GABBR2: variants seen among roughly 807,000 people sequenced by gnomAD.
GABBR2 encodes gamma-aminobutyric acid type B receptor subunit 2, also known as G-protein coupled receptor 51.
A neutral mutation model predicts 105.6 loss-of-function variants in GABBR2; 23 were observed. The observed-to-expected ratio is 0.22, with a 90% confidence interval of 0.16 to 0.31. The LOEUF (loss-of-function observed/expected upper bound fraction) is 0.31, where lower values mean the gene tolerates loss of function less well. Among genes scored for constraint, GABBR2 ranks in the 10% least tolerant of loss-of-function variants. The pLI, the probability that GABBR2 is intolerant of heterozygous loss-of-function variation, is 1.00. For synonymous variants in GABBR2, 478 were observed against 499.7 expected, an observed-to-expected ratio of 0.96 and a Z score of 0.58; for missense variants, 734 against 1,245.5, an observed-to-expected ratio of 0.59 and a Z score of 6.18.
At chr9:98,686,861 A>C (rs1290965213) in intron 1 of GABBR2, among the ~76,000 whole-genome samples, 1 of 151,926 alleles carries the variant, frequency 6.6e-6, no homozygotes, top group Non-Finnish European at 1.5e-5. Context: ...CCCATCAACC[A>C]AACACAAGGG....
At position 98,695,104 on chromosome 9, in the gene GABBR2, A is replaced by T. The variant is rs13440079; in HGVS notation, c.321+13313T>A. The stretch of plus-strand genomic sequence containing the variant: ...TGTTCCACTTAGGGGCCCAGTTCTG[A>T]TTTTTATCCAAAATTGTTCTGTTTT... On this transcript the variant is annotated intron_variant, in intron 1 of 18. Transcript: ENST00000259455. 9.3e-3 allele frequency among the ~76,000 whole-genome samples: 1,421 copies of T among 152,278 alleles called. 12 individuals carry two copies. The highest frequency in any genetic ancestry group is 0.024 in the South Asian group (117 of 4,826).
At chr9:98,411,661 G>A (rs1008703450) in intron 7 of GABBR2, among the ~76,000 whole-genome samples, 1 of 152,088 alleles carries the variant, frequency 6.6e-6, no homozygotes, top group Non-Finnish European at 1.5e-5. Context: ...TCCTGGGCTC[G>A]AGTGATCCTT....
intron 7 of GABBR2, among the ~76,000 whole-genome samples, chr9:98,447,342 C>G (rs1209149267): frequency 1.3e-5 from 2 of 151,654 alleles, no homozygotes; most frequent in African/African-American, 2.4e-5. Flanking sequence ...GGATTACAGG[C>G]GTGAGCCACC....
chr9:98,384,697 T>C (rs1832040579), intron 11 of GABBR2, among the ~76,000 whole-genome samples: 1 of 152,218 alleles, frequency 6.6e-6, no homozygotes, highest in African/African-American at 2.4e-5. Flanking sequence ...TATAGTAAAT[T>C]AGTTACACTG....
chr9:98,422,514 G>GTGTGTGTC (rs1158207360), intron 7 of GABBR2, among the ~76,000 whole-genome samples: 3 of 151,898 alleles, frequency 2.0e-5, no homozygotes, highest in Admixed American at 6.6e-5. Context: ...GTGTGTGTGT[G>GTGTGTGTC]TGTGTGTCTG....
chr9:98,408,854 C>G (rs1356798846), intron 7 of GABBR2, among the ~76,000 whole-genome samples: 3 of 152,164 alleles, frequency 2.0e-5, no homozygotes, highest in South Asian at 4.1e-4. Flanking sequence ...GTTGTGCGAT[C>G]TTGGCTTACT....
chr9:98,299,785 G>T (rs1830439526), intron 16 of GABBR2, among the ~76,000 whole-genome samples: 1 of 152,164 alleles, frequency 6.6e-6, no homozygotes, highest in Non-Finnish European at 1.5e-5. Flanking sequence ...ACCTCAGGGG[G>T]AGGTTGTGCA....
intron 1 of GABBR2, among the ~76,000 whole-genome samples, chr9:98,663,551 C>T (rs1830295101): frequency 6.6e-6 from 1 of 150,896 alleles, no homozygotes; most frequent in Non-Finnish European, 1.5e-5. Flanking sequence ...TGGTGTTCCT[C>T]AGGGAAAGAT....
Position 98,397,504 on chromosome 9 carries a change from T to C in GABBR2, c.1298-3249A>G, listed in dbSNP as rs145524791. 7.1e-3 allele frequency among the ~76,000 whole-genome samples: 1,078 copies of C among 152,272 alleles called. 11 individuals are homozygous for C. The highest frequency in any genetic ancestry group is 0.01 in the Non-Finnish European group (686 of 68,010). The stretch of plus-strand genomic sequence containing the variant: ...TAAGAGGGTTAAAGACGAGAATATA[T>C]GCCAAGTTCCTAGCTTGGAACCTAA... On this transcript the variant is annotated intron_variant, in intron 8 of 18. Coordinates refer to ENST00000259455, the MANE Select transcript of GABBR2 (RefSeq NM_005458.8).
chr9:98,647,776 AAAT>A (rs768389738), intron 1 of GABBR2, among the ~76,000 whole-genome samples: 2 of 152,178 alleles, frequency 1.3e-5, no homozygotes, highest in Non-Finnish European at 2.9e-5. Context: ...TAAGTTAAAT[AAAT>A]GTAAAAGTTG....
At chr9:98,627,977 C>G (rs1213497730) in intron 1 of GABBR2, among the ~76,000 whole-genome samples, 1 of 152,208 alleles carries the variant, frequency 6.6e-6, no homozygotes, top group African/African-American at 2.4e-5. Context: ...CTGAAAAAAA[C>G]AGTTTCAAGA....
chr9:98,617,091 G>A (rs1167773), intron 1 of GABBR2, among the ~76,000 whole-genome samples: 141,234 of 152,240 alleles, frequency 0.93, 65,601 homozygotes, highest in Middle Eastern at 0.97. Flanking sequence ...GAATTTTCCT[G>A]GGTCCCTGCT....
Position 98,595,550 on chromosome 9 carries a change from A to G in GABBR2, c.322-17478T>C, listed in dbSNP as rs1829222811. Among the ~76,000 whole-genome samples, 2 of 55,716 alleles carry G rather than the reference A, an allele frequency of 3.6e-5. 1 individual carries two copies. The highest frequency in any genetic ancestry group is 7.1e-5 in the Non-Finnish European group (2 of 28,354). The allele number at this position is 55,716 out of a possible 152,430, so 36.6% of individuals were successfully genotyped here. ...GAGTCTTGATGCTTAAGGAGAAGTC[A>G]GCCACATGGCCAGCCCATTCCTCCC... On this transcript the variant is annotated intron_variant, in intron 1 of 18. Coordinates refer to ENST00000259455, the MANE Select transcript of GABBR2 (RefSeq NM_005458.8).
chr9:98,681,840 G>C (rs1298636337), intron 1 of GABBR2, among the ~76,000 whole-genome samples: 2 of 152,194 alleles, frequency 1.3e-5, no homozygotes, highest in South Asian at 4.2e-4. Context: ...TATTTATAAA[G>C]CCATGGAGTA....
At chr9:98,461,963 CA>C (rs1213634341) in intron 6 of GABBR2, among the ~76,000 whole-genome samples, 1 of 152,216 alleles carries the variant, frequency 6.6e-6, no homozygotes, top group African/African-American at 2.4e-5. Flanking sequence ...CTAAACCATT[CA>C]GGGGGGATCC....
At chr9:98,494,340 T>C (rs1276928115) in intron 4 of GABBR2, among the ~76,000 whole-genome samples, 1 of 152,108 alleles carries the variant, frequency 6.6e-6, no homozygotes, top group Non-Finnish European at 1.5e-5. Context: ...AATAAAGTGT[T>C]CAGGGAAAGC....
intron 5 of GABBR2, among the ~76,000 whole-genome samples, chr9:98,477,391 T>C (rs2779546): frequency 0.97 from 147,526 of 152,290 alleles, 71,488 homozygotes; most frequent in Middle Eastern, 1. Flanking sequence ...AGGCAGATGA[T>C]ACCACGCCCA....
intron 13 of GABBR2, 66 bp downstream of exon 13, chr9:98,362,649 C>G: frequency 7.4e-7 from 1 of 1,352,038 alleles, no homozygotes; most frequent in Non-Finnish European, 9.7e-7. Flanking sequence ...GCTGTGCAGC[C>G]TCACTGTCCT....
intron 1 of GABBR2, among the ~76,000 whole-genome samples, chr9:98,588,990 C>A (rs756478735): frequency 6.6e-6 from 1 of 152,218 alleles, no homozygotes; most frequent in African/African-American, 2.4e-5. Context: ...CCAAGGAGGG[C>A]AGTCTCACGA....
Sources: allele counts gnomAD v4.1 joint callset (sites outside exome capture counted in the v4.1 genomes callset), GRCh38; gene constraint gnomAD v4.1.1; transcripts MANE v1.5; gene names NCBI Gene and HGNC (gene_info 2026-07-23, HGNC 2026-07-21).